Variants in PTK2 observed in about 807,000 individuals in gnomAD.
The protein encoded by PTK2 is protein tyrosine kinase 2.
PTK2 carries 45 observed loss-of-function variants against 150.1 expected under a neutral mutation model. The ratio of observed to expected loss-of-function variants is 0.30; its 90% CI spans 0.24 to 0.38. The LOEUF (loss-of-function observed/expected upper bound fraction) is 0.38. PTK2 is among the 10% of genes least tolerant of loss of function. PTK2 has a pLI of 1.00. For missense variants in PTK2, 919 were observed against 1,307.3 expected (o/e 0.70, Z 4.58); for synonymous variants, 432 against 449.2 (o/e 0.96, Z 0.48).
rs757235337 is a variant in PTK2, at chr8:140,746,880, T to C, written c.1418-20A>G. The C allele has an allele frequency of 4.2e-6, 6 of 1,429,740 alleles. No individual in the cohort carries two copies. The highest frequency in any genetic ancestry group is 5.8e-6 in the Non-Finnish European group (6 of 1,037,712). 88.6% of individuals were successfully genotyped at this position (1,429,740 alleles called of 1,614,324 possible). ...TTGTTACTAGGAAAAAAGTTCTCCA[T>C]AGTTATTCTTTCTTTTTTTTTTTTT... On this transcript the variant is annotated intron_variant, in intron 17 of 31. Coordinates refer to ENST00000522684, the Ensembl canonical transcript of PTK2.
At chr8:140,770,753 G>A in intron 14 of PTK2, 5 of 1,357,142 alleles carry the variant, frequency 3.7e-6, no homozygotes, top group Non-Finnish European at 4.9e-6. Context: ...AGACCAAAGG[G>A]AGAAAGCGCC....
chr8:140,905,786 A>G (rs1191918318), intron 2 of PTK2, among the ~76,000 whole-genome samples: 1 of 152,220 alleles, frequency 6.6e-6, no homozygotes. Context: ...AATACTCCTC[A>G]GCAAATGCAA....
intron 26 of PTK2, among the ~76,000 whole-genome samples, chr8:140,697,842 AGGGTT>A (rs1451354676): frequency 1.1e-5 from 1 of 93,850 alleles, no homozygotes; most frequent in Non-Finnish European, 2.1e-5. Flanking sequence ...TCCTCCCTTT[AGGGTT>A]TACTGTTTTT....
chr8:140,883,537 T>C (rs1342414155), intron 3 of PTK2, among the ~76,000 whole-genome samples: 1 of 152,214 alleles, frequency 6.6e-6, no homozygotes, highest in African/African-American at 2.4e-5. Flanking sequence ...TAGTATAGTG[T>C]TTCTTTTTCT....
intron 1 of PTK2, among the ~76,000 whole-genome samples, chr8:140,988,900 A>G (rs559136049): frequency 2.0e-4 from 31 of 152,180 alleles, no homozygotes; most frequent in Non-Finnish European, 4.0e-4. Context: ...CTTATACTAT[A>G]CACCAAAATC....
chr8:140,849,218 T>C (rs916779789), intron 5 of PTK2, among the ~76,000 whole-genome samples: 2 of 152,142 alleles, frequency 1.3e-5, no homozygotes, highest in Non-Finnish European at 2.9e-5. Context: ...TGAGATAGAA[T>C]AAGGCATCAC....
chr8:140,891,994 C>A (rs2100154406), intron 2 of PTK2, among the ~76,000 whole-genome samples: 1 of 151,908 alleles, frequency 6.6e-6, no homozygotes, highest in Non-Finnish European at 1.5e-5. Flanking sequence ...CTGCTTGAGT[C>A]CAGGAGTTTG....
chr8:140,980,034 A>C (rs1054341205), intron 1 of PTK2, among the ~76,000 whole-genome samples: 5 of 152,244 alleles, frequency 3.3e-5, no homozygotes, highest in Admixed American at 3.3e-4. Flanking sequence ...GGCAGTAACT[A>C]GTCAGGTTGA....
chr8:140,937,594 A>AC (rs932697363), intron 1 of PTK2, among the ~76,000 whole-genome samples: 22 of 151,916 alleles, frequency 1.4e-4, no homozygotes, highest in African/African-American at 5.1e-4. Flanking sequence ...ATAAAAAAAA[A>AC]AAAAACACAA....
chr8:140,989,310 C>T (rs886773718), intron 1 of PTK2, among the ~76,000 whole-genome samples: 1 of 150,292 alleles, frequency 6.7e-6, no homozygotes, highest in Non-Finnish European at 1.5e-5. Flanking sequence ...AGGAGGATTG[C>T]TTGAGCCCAA....
intron 27 of PTK2, among the ~76,000 whole-genome samples, chr8:140,681,004 T>C (rs1383388861): frequency 2.0e-5 from 3 of 152,206 alleles, no homozygotes; most frequent in Non-Finnish European, 4.4e-5. Flanking sequence ...AAATCTGCAT[T>C]TAACTTAAAC....
rs112768659 is a variant in PTK2, at chr8:140,929,156, G to A, written c.-121-3407C>T. Among the ~76,000 whole-genome samples, 454 of 149,830 alleles carry A rather than the reference G, an allele frequency of 3.0e-3. 1 individual carries two copies. Among genetic ancestry groups the A allele is most frequent in the Non-Finnish European group, 5.0e-3 (339 of 67,438 alleles). The stretch of plus-strand genomic sequence containing the variant: ...AATTTTTTGTATTTTTAGTAGAGAC[G>A]GGGTTTCACCATTTTAGCCGGGATG... On this transcript the variant is annotated intron_variant, in intron 1 of 31. Transcript: ENST00000522684.
intron 1 of PTK2, among the ~76,000 whole-genome samples, chr8:140,954,490 T>C (rs1229093923): frequency 6.6e-6 from 1 of 152,194 alleles, no homozygotes; most frequent in East Asian, 1.9e-4. Flanking sequence ...TAACTCAGAG[T>C]GTTTATAATG....
intron 8 of PTK2, among the ~76,000 whole-genome samples, chr8:140,827,780 T>A (rs1435115474): frequency 6.6e-6 from 1 of 151,994 alleles, no homozygotes; most frequent in African/African-American, 2.4e-5. Flanking sequence ...GGGTGTAGAG[T>A]GGAGACAGCA....
At chr8:140,824,562 G>A (rs1197172682) in intron 8 of PTK2, among the ~76,000 whole-genome samples, 2 of 152,214 alleles carry the variant, frequency 1.3e-5, no homozygotes, top group African/African-American at 4.8e-5. Context: ...GACTGCCAAT[G>A]AGGACTGTGA....
intron 7 of PTK2, among the ~76,000 whole-genome samples, chr8:140,839,095 C>T (rs1567310117): frequency 6.6e-6 from 1 of 152,078 alleles, no homozygotes; most frequent in Non-Finnish European, 1.5e-5. Flanking sequence ...AATGTTTAGG[C>T]AACAGGGTGA....
chr8:140,929,882 T>C lies in PTK2; in HGVS notation c.-121-4133A>G, dbSNP rs933665691. ...GCATAAAGGGCTTTGAGAGCGCCCA[T>C]AACAAAGGCTCCATGTCACTGTAAG... On this transcript the variant is annotated intron_variant, in intron 1 of 31. Coordinates refer to ENST00000522684, the Ensembl canonical transcript of PTK2. Among the ~76,000 whole-genome samples, 17 of 152,128 alleles carry C rather than the reference T, an allele frequency of 1.1e-4. 1 individual carries two copies. Among genetic ancestry groups the C allele is most frequent in the Admixed American group, 9.8e-4 (15 of 15,268 alleles).
At chr8:140,784,952 T>C (rs113456911) in intron 14 of PTK2, among the ~76,000 whole-genome samples, 4,161 of 152,290 alleles carry the variant, frequency 0.027, 76 homozygotes, top group Middle Eastern at 0.054. Context: ...TATGAAAAAG[T>C]ACCTGGTATC....
chr8:140,675,958 CTA>C (rs1699073251), intron 27 of PTK2, among the ~76,000 whole-genome samples: 1 of 152,188 alleles, frequency 6.6e-6, no homozygotes, highest in Admixed American at 6.5e-5. Context: ...ACCTGCACTG[CTA>C]TGTTTATCAT....
Sources: gnomAD v4.1 joint callset for allele counts (sites outside exome capture counted in the v4.1 genomes callset) on GRCh38, gnomAD v4.1.1 for gene constraint, MANE v1.5 for transcripts, NCBI Gene and HGNC (gene_info 2026-07-23, HGNC 2026-07-21) for gene names.